NRXN3: variants seen among roughly 807,000 people sequenced by gnomAD.
NRXN3 encodes the protein neurexin III.
A neutral mutation model predicts 137.6 loss-of-function variants in NRXN3; 32 were observed. The observed-to-expected ratio is 0.23, with a 90% CI of 0.18 to 0.31. The LOEUF (loss-of-function observed/expected upper bound fraction) is 0.31. Among genes scored for constraint, NRXN3 ranks in the 10% least tolerant of loss-of-function variants. The pLI is 1.00. For synonymous variants in NRXN3, 798 were observed against 784.5 expected, an observed-to-expected ratio of 1.02 and a Z score of -0.29; for missense variants, 1,574 against 2,062.5, an observed-to-expected ratio of 0.76 and a Z score of 4.59.
At chr14:78,205,419 G>T (rs538436674) in intron 1 of NRXN3, among the ~76,000 whole-genome samples, 1 of 152,342 alleles carries the variant, frequency 6.6e-6, no homozygotes, top group East Asian at 1.9e-4. Flanking sequence ...CTGAGACGAT[G>T]CACGGCACAC....
Position 78,243,923 on chromosome 14 carries a change from C to A in NRXN3, c.709+121C>A. On this transcript the variant is annotated intron_variant, in intron 2 of 20. Transcript: ENST00000335750. This position sits in a 1 kb window ranked among gnomAD's most constrained non-coding sequence, Gnocchi z 4.2. The stretch of plus-strand genomic sequence containing the variant: ...TAGCTGCATGTTAGATCACTGGGCC[C>A]CTTGCCCTAAGGAGGCAGTGGAAAT... 1.4e-6 allele frequency: 1 copy of A among 732,904 alleles called. No individual in the cohort carries two copies. Among genetic ancestry groups the A allele is most frequent in the East Asian group, 2.6e-5 (1 of 37,968 alleles). The allele number at this position is 732,904 out of a possible 1,614,324, so 45.4% of individuals were successfully genotyped here.
At chr14:79,105,400 G>A (rs1056649846) in intron 15 of NRXN3, among the ~76,000 whole-genome samples, 5 of 152,034 alleles carry the variant, frequency 3.3e-5, no homozygotes, top group East Asian at 3.9e-4. Context: ...CAAATAACTT[G>A]TAATTTTTTA....
intron 1 of NRXN3, among the ~76,000 whole-genome samples, chr14:78,199,880 T>C (rs1241855259): frequency 6.6e-6 from 1 of 152,202 alleles, no homozygotes; most frequent in African/African-American, 2.4e-5. Context: ...CCATACATTA[T>C]GTAGGAGTGG....
At chr14:79,092,641 A>C (rs547083867) in intron 15 of NRXN3, among the ~76,000 whole-genome samples, 2 of 152,332 alleles carry the variant, frequency 1.3e-5, no homozygotes, top group Non-Finnish European at 2.9e-5. Context: ...AGTTTTGCTG[A>C]AGCTTCTTTC....
intron 15 of NRXN3, among the ~76,000 whole-genome samples, chr14:79,166,311 C>A (rs1381207814): frequency 6.6e-6 from 1 of 151,750 alleles, no homozygotes; most frequent in African/African-American, 2.4e-5. Flanking sequence ...GAGGGTCAAA[C>A]CTAATTTAAT....
At chr14:79,562,517 G>A (rs1458550723) in intron 16 of NRXN3, among the ~76,000 whole-genome samples, 1 of 152,178 alleles carries the variant, frequency 6.6e-6, no homozygotes, top group East Asian at 1.9e-4. Context: ...AAATCAGCCA[G>A]TGTGTCAACA....
chr14:79,008,746 C>G (rs937416740), intron 15 of NRXN3, among the ~76,000 whole-genome samples: 1 of 151,570 alleles, frequency 6.6e-6, no homozygotes, highest in African/African-American at 2.4e-5. Flanking sequence ...GCAACCTCCA[C>G]CCCTTGGGTT....
chr14:79,058,621 T>C (rs1428742959), intron 15 of NRXN3, among the ~76,000 whole-genome samples: 1 of 152,158 alleles, frequency 6.6e-6, no homozygotes, highest in Non-Finnish European at 1.5e-5. Context: ...CTAGTCCCTA[T>C]GCTGTTGTCA....
intron 15 of NRXN3, among the ~76,000 whole-genome samples, chr14:79,366,525 G>A (rs1169017095): frequency 6.6e-6 from 1 of 152,006 alleles, no homozygotes; most frequent in Non-Finnish European, 1.5e-5. Flanking sequence ...GAGTTCAATT[G>A]TTTTAATTCT....
chr14:78,800,834 A>G (rs1374192628), intron 8 of NRXN3, among the ~76,000 whole-genome samples: 2 of 152,194 alleles, frequency 1.3e-5, no homozygotes, highest in Non-Finnish European at 2.9e-5. Context: ...TGTTACGTCT[A>G]TCACCTAGAA....
chr14:79,837,301 A>T (rs78780009), intron 20 of NRXN3, among the ~76,000 whole-genome samples: 136,305 of 150,462 alleles, frequency 0.91, 61,751 homozygotes, highest in East Asian at 0.95. Flanking sequence ...TTTTTTTTTA[A>T]AAAAACCGTC....
intron 4 of NRXN3, among the ~76,000 whole-genome samples, chr14:78,531,532 T>G (rs1359236257): frequency 6.6e-6 from 1 of 152,190 alleles, no homozygotes; most frequent in African/African-American, 2.4e-5. Flanking sequence ...CTACATTTTG[T>G]TTTTTACAAA....
At chr14:78,312,298 A>G (rs986082659) in intron 4 of NRXN3, among the ~76,000 whole-genome samples, 1 of 152,172 alleles carries the variant, frequency 6.6e-6, no homozygotes, top group African/African-American at 2.4e-5. Context: ...GATGCTTTGT[A>G]CCACTTACAC....
intron 8 of NRXN3, among the ~76,000 whole-genome samples, chr14:78,783,596 G>C (rs886283944): frequency 6.6e-6 from 1 of 152,122 alleles, no homozygotes; most frequent in Non-Finnish European, 1.5e-5. Context: ...ATTAGCATTA[G>C]GGGGAGTAAG....
intron 10 of NRXN3, among the ~76,000 whole-genome samples, chr14:78,933,759 T>A (rs1227511821): frequency 1.3e-5 from 2 of 152,204 alleles, no homozygotes; most frequent in African/African-American, 4.8e-5. Context: ...CACATAGTTA[T>A]CATCTTTATG....
chr14:79,546,698 T>G (rs188858835), intron 16 of NRXN3, among the ~76,000 whole-genome samples: 28 of 152,274 alleles, frequency 1.8e-4, no homozygotes, highest in Non-Finnish European at 4.0e-4. Context: ...GCGCAAGTGG[T>G]GGATAGATTT....
chr14:78,892,765 C>G (rs796257579), intron 10 of NRXN3, among the ~76,000 whole-genome samples: 58 of 135,250 alleles, frequency 4.3e-4, no homozygotes, highest in African/African-American at 1.5e-3. Context: ...TCGGTAATGC[C>G]CCCATCTTCT....
At chr14:78,889,222 A>C (rs940823115) in intron 10 of NRXN3, among the ~76,000 whole-genome samples, 1 of 152,022 alleles carries the variant, frequency 6.6e-6, no homozygotes, top group African/African-American at 2.4e-5. Context: ...TCAAAGGGGA[A>C]GAACAAATAA....
At chr14:78,541,137 A>G (rs1032867628) in intron 4 of NRXN3, among the ~76,000 whole-genome samples, 7 of 152,082 alleles carry the variant, frequency 4.6e-5, no homozygotes, top group East Asian at 1.9e-4. Flanking sequence ...GATGTTGTCT[A>G]TATTTCCTGA....
Sources: gnomAD v4.1 joint callset for allele counts (sites outside exome capture counted in the v4.1 genomes callset) on GRCh38, gnomAD v4.1.1 for gene constraint, Gnocchi (gnomAD v3.1) non-coding constraint, MANE v1.5 for transcripts, NCBI Gene and HGNC (gene_info 2026-07-23, HGNC 2026-07-21) for gene names.